FUS: variants seen among roughly 807,000 people sequenced by gnomAD.
The protein encoded by FUS is RNA-binding protein FUS.
In FUS, 5 loss-of-function variants were observed where a neutral mutation model predicts 82.7. The ratio of observed to expected loss-of-function variants is 0.06; its 90% confidence interval spans 0.03 to 0.13. FUS has a LOEUF of 0.13. Ranked by LOEUF, FUS falls within the 10% of genes least tolerant of loss-of-function variation. FUS has a pLI of 1.00. For missense variants in FUS, 512 were observed against 707.8 expected (o/e 0.72, Z 3.14); for synonymous variants, 281 against 247.4 (o/e 1.14, Z -1.27).
At chr16:31,192,172 G>T (rs2079371204), downstream of FUS, 2 of 528,616 alleles carry the variant, frequency 3.8e-6, no homozygotes. Context: ...GGTCTGGCTG[G>T]GTTACTTTCA....
chr16:31,192,303 G>A (rs905301430), downstream of FUS: 33 of 527,182 alleles, frequency 6.3e-5, no homozygotes, highest in African/African-American at 5.8e-4. Context: ...AGAGGGGGAA[G>A]GGGTTGCAGC....
At chr16:31,193,138 C>T (rs988996719), downstream of FUS, 2 of 485,220 alleles carry the variant, frequency 4.1e-6, no homozygotes, top group East Asian at 4.9e-5. Context: ...GACGGGGTTT[C>T]TCCATGTTGG....
In FUS at chr16:31,191,117, CTT is replaced by C. The variant is rs761850706; in HGVS notation, c.1541+9_1541+10del. 3.0e-4 allele frequency: 486 copies of C among 1,612,202 alleles called. No homozygotes were observed. The highest frequency in any genetic ancestry group is 8.4e-4 in the Middle Eastern group (4 of 4,764). On this transcript the variant is annotated splice_region_variant and intron_variant, in intron 14 of 14. Coordinates refer to ENST00000254108, the MANE Select transcript of FUS (RefSeq NM_004960.4). ...CTGGCAAGATGGATTCCAGGTAAGA[CTT>C]TAAATCAGAATAAAAAAGTAGAGCA...
intron 7 of FUS, chr16:31,187,339 A>G (rs1202932691): frequency 3.9e-6 from 1 of 255,700 alleles, no homozygotes; most frequent in African/African-American, 2.2e-5. Context: ...CAATGAATGC[A>G]ATTCTATGTA....
intron 5 of FUS, 140 bp downstream of exon 5, chr16:31,184,536 C>A: frequency 2.3e-6 from 2 of 877,194 alleles, no homozygotes; most frequent in South Asian, 3.1e-5. Context: ...CTCCGCCTTC[C>A]GGGTTCGCGC....
intron 13 of FUS, 59 bp downstream of exon 13, chr16:31,190,901 C>CG: frequency 1.9e-6 from 3 of 1,612,006 alleles, no homozygotes; most frequent in Non-Finnish European, 2.5e-6. Context: ...AATTTTTCAG[C>CG]GGGGAGGCTC....
chr16:31,191,125 C>T lies in FUS; in HGVS notation c.1541+15C>T, dbSNP rs367552616. 1.2e-6 allele frequency: 2 copies of T among 1,611,658 alleles called. No individual in the cohort carries two copies. Among genetic ancestry groups the T allele is most frequent in the African/African-American group, 1.3e-5 (1 of 74,772 alleles). The stretch of plus-strand genomic sequence containing the variant: ...ATGGATTCCAGGTAAGACTTTAAAT[C>T]AGAATAAAAAAGTAGAGCAGTTGAA... On this transcript the variant is annotated intron_variant, in intron 14 of 14. Transcript: ENST00000254108.
chr16:31,189,580 AT>A, intron 9 of FUS, 84 bp from the exon 10 acceptor site: 1 of 1,588,332 alleles, frequency 6.3e-7, no homozygotes, highest in Non-Finnish European at 8.6e-7. Context: ...TTTGGGAATT[AT>A]AAACCTCATG....
chr16:31,187,340 A>G (rs1429494999), intron 7 of FUS: 2 of 255,868 alleles, frequency 7.8e-6, no homozygotes, highest in Non-Finnish European at 7.7e-6. Flanking sequence ...AATGAATGCA[A>G]TTCTATGTAT....
chr16:31,190,458 T>A, intron 12 of FUS, 60 bp downstream of exon 12: 7 of 1,609,780 alleles, frequency 4.3e-6, no homozygotes, highest in Non-Finnish European at 6.0e-6. Context: ...GATATATTGG[T>A]ACTGAGGTAT....
intron 1 of FUS, among the ~76,000 whole-genome samples, chr16:31,181,753 T>C (rs922038405): frequency 6.6e-6 from 1 of 152,146 alleles, no homozygotes; most frequent in South Asian, 2.1e-4. Context: ...GGCTTTCTCA[T>C]AGAGTGGATG....
Position 31,180,146 on chromosome 16 carries a change from C to A in FUS, c.-69C>A, listed in dbSNP as rs766319327. 1 of 1,585,546 alleles carries A rather than the reference C, an allele frequency of 6.3e-7. No individual in the cohort carries two copies. ...GACGCAGGAGGCGGGGCTGCTCAGTCCTCCAGGCGTCGGTACTCAGCGGTG... is the reference window on the plus strand; with the variant it reads ...GACGCAGGAGGCGGGGCTGCTCAGTACTCCAGGCGTCGGTACTCAGCGGTG... On this transcript the variant is annotated 5_prime_UTR_variant, in exon 1 of 15. Transcript: ENST00000254108.
chr16:31,188,537 C>T (rs2079306056), intron 8 of FUS, 180 bp downstream of exon 8: 3 of 721,010 alleles, frequency 4.2e-6, no homozygotes, highest in African/African-American at 3.5e-5. Flanking sequence ...CTCAGAAATA[C>T]CTGGCTTGTG....
downstream of FUS, chr16:31,192,580 A>G: frequency 2.0e-6 from 1 of 490,098 alleles, no homozygotes; most frequent in Non-Finnish European, 4.0e-6. Context: ...TTATTTTTAG[A>G]GACAGAGTCT....
intron 1 of FUS, among the ~76,000 whole-genome samples, chr16:31,180,450 C>G (rs1420183677): frequency 6.7e-6 from 1 of 150,166 alleles, no homozygotes; most frequent in African/African-American, 2.4e-5. Flanking sequence ...CTTTGCAGTC[C>G]GTTTGCTTGG....
At chr16:31,191,283 C>G (rs1472414586) in intron 14 of FUS, 116 bp from the exon 15 acceptor site, 2 of 1,491,482 alleles carry the variant, frequency 1.3e-6, no homozygotes, top group African/African-American at 2.8e-5. Context: ...TCTGTAGACC[C>G]ACTTGAGATA....
chr16:31,193,620 T>TA, downstream of FUS: 1 of 529,448 alleles, frequency 1.9e-6, no homozygotes, highest in Non-Finnish European at 3.7e-6. Context: ...GCCTTGACCT[T>TA]AAAAGGAAAT....
In FUS at chr16:31,191,519, C is replaced by G. The variant is rs768544815; in HGVS notation, c.*81C>G. ...CTCGTTATTTTGTAACCTTCCAATT[C>G]CTGATCACCCAAGGGTTTTTTTGTG... On this transcript the variant is annotated 3_prime_UTR_variant, in exon 15 of 15. Transcript: ENST00000254108. 1 of 1,464,216 alleles carries G rather than the reference C, an allele frequency of 6.8e-7. No homozygotes were observed. Among genetic ancestry groups the G allele is most frequent in the East Asian group, 2.3e-5 (1 of 44,044 alleles). The allele number at this position is 1,464,216 out of a possible 1,614,324, so 90.7% of individuals were successfully genotyped here. A position where few individuals can be genotyped will look rare whatever the true frequency, so the allele number is the denominator to read the frequency against.
In FUS at chr16:31,188,320, T is replaced by C; in HGVS notation, c.800-5T>C. ...TTTTTGTTCTTTTTTTCCATGTCACTAAAGGCCCTCGGGACCAAGGATCAC... is the reference window on the plus strand; with the variant it reads ...TTTTTGTTCTTTTTTTCCATGTCACCAAAGGCCCTCGGGACCAAGGATCAC... On this transcript the variant is annotated splice_region_variant and splice_polypyrimidine_tract_variant and intron_variant, in intron 7 of 14. Transcript: ENST00000254108. The C allele has an allele frequency of 6.2e-7, 1 of 1,613,204 alleles. No homozygotes were observed. Among genetic ancestry groups the C allele is most frequent in the African/African-American group, 1.3e-5 (1 of 74,904 alleles).
Sources: allele counts gnomAD v4.1 joint callset (sites outside exome capture counted in the v4.1 genomes callset), GRCh38; gene constraint gnomAD v4.1.1; transcripts MANE v1.5; gene names NCBI Gene and HGNC (gene_info 2026-07-23, HGNC 2026-07-21).